PPM1L: variants seen among roughly 807,000 people sequenced by gnomAD.
The protein encoded by PPM1L is protein phosphatase, Mg2+/Mn2+ dependent 1L, also known as protein phosphatase 1L.
In PPM1L, 13 loss-of-function variants were observed where a neutral mutation model predicts 31.4. The observed-to-expected ratio is 0.41, with a 90% CI of 0.27 to 0.66. The LOEUF (loss-of-function observed/expected upper bound fraction) is 0.66, where lower values mean the gene tolerates loss of function less well. Ranked by LOEUF, PPM1L falls within the 30% of genes least tolerant of loss-of-function variation. The pLI is 0.29. For synonymous variants in PPM1L, 184 were observed against 175.4 expected (o/e 1.05, Z -0.39); for missense variants, 326 against 453.7 (o/e 0.72, Z 2.56).
At chr3:161,010,313 C>A (rs181049785) in intron 2 of PPM1L, among the ~76,000 whole-genome samples, 37 of 152,276 alleles carry the variant, frequency 2.4e-4, no homozygotes, top group African/African-American at 7.7e-4. Context: ...TCATTCATGT[C>A]CCTACAAAGG....
At chr3:160,808,661 T>C (rs1416765732) in intron 1 of PPM1L, among the ~76,000 whole-genome samples, 1 of 152,170 alleles carries the variant, frequency 6.6e-6, no homozygotes, top group Non-Finnish European at 1.5e-5. Flanking sequence ...GGCTGTCACC[T>C]TCAGGCACCT....
chr3:160,848,682 G>A (rs1714158415), intron 1 of PPM1L, among the ~76,000 whole-genome samples: 1 of 152,154 alleles, frequency 6.6e-6, no homozygotes. Context: ...TTCAGTTCTT[G>A]TGTGAATATT....
intron 1 of PPM1L, among the ~76,000 whole-genome samples, chr3:160,951,033 T>G (rs1005096491): frequency 3.9e-5 from 6 of 152,242 alleles, no homozygotes; most frequent in Non-Finnish European, 5.9e-5. Flanking sequence ...TTACTTTTCA[T>G]TTTTCTTCTA....
Position 160,920,213 on chromosome 3 carries a change from G to C in PPM1L, c.400-41523G>C, listed in dbSNP as rs1325270976. Among the ~76,000 whole-genome samples, 5 of 152,190 alleles carry C rather than the reference G, an allele frequency of 3.3e-5. No individual in the cohort carries two copies. The East Asian group carries it at 9.6e-4, about 29-fold the overall frequency. On this transcript the variant is annotated intron_variant, in intron 1 of 3. Transcript: ENST00000498165. ...GGGCAGGATATTCTGAAGCCAGCCA[G>C]TGCCCACAGCCATTTGTGGGTACCC...
At chr3:160,796,052 T>A (rs1206284010) in intron 1 of PPM1L, among the ~76,000 whole-genome samples, 1 of 152,212 alleles carries the variant, frequency 6.6e-6, no homozygotes, top group Non-Finnish European at 1.5e-5. Context: ...TGATCTCAAC[T>A]TCCTTCTCCT....
chr3:161,052,890 T>C (rs1719315784), intron 2 of PPM1L, among the ~76,000 whole-genome samples: 1 of 152,252 alleles, frequency 6.6e-6, no homozygotes, highest in African/African-American at 2.4e-5. Context: ...CCCCTTTTCC[T>C]GTCTCTGCCT....
chr3:160,840,315 G>A (rs1272351472), intron 1 of PPM1L, among the ~76,000 whole-genome samples: 3 of 152,100 alleles, frequency 2.0e-5, no homozygotes, highest in Non-Finnish European at 2.9e-5. Flanking sequence ...AGTTTGCATT[G>A]GGTTTCATAA....
chr3:160,926,094 G>A (rs1484897587), intron 1 of PPM1L, among the ~76,000 whole-genome samples: 1 of 152,254 alleles, frequency 6.6e-6, no homozygotes, highest in South Asian at 2.1e-4. Context: ...CTGGCAGAGG[G>A]TCTCCTTCAG....
At chr3:160,942,778 A>C (rs1715203490) in intron 1 of PPM1L, among the ~76,000 whole-genome samples, 1 of 152,200 alleles carries the variant, frequency 6.6e-6, no homozygotes, top group African/African-American at 2.4e-5. Context: ...GGACCCCTCC[A>C]TGTGCATATA....
chr3:160,757,224 G>C (rs923525093), intron 1 of PPM1L, among the ~76,000 whole-genome samples: 1 of 152,210 alleles, frequency 6.6e-6, no homozygotes, highest in Admixed American at 6.5e-5. Context: ...TCACTCTAGG[G>C]AGGAATCCGA....
At chr3:160,851,733 C>T (rs542074466) in intron 1 of PPM1L, among the ~76,000 whole-genome samples, 35 of 151,896 alleles carry the variant, frequency 2.3e-4, no homozygotes, top group South Asian at 8.4e-4. Context: ...GGGAAAGATC[C>T]GATACTTGGG....
At chr3:161,062,114 T>G (rs1719589911) in intron 2 of PPM1L, among the ~76,000 whole-genome samples, 1 of 151,792 alleles carries the variant, frequency 6.6e-6, no homozygotes, top group South Asian at 2.1e-4. Context: ...AAACAGTCAT[T>G]GTCTGTTCTG....
intron 2 of PPM1L, among the ~76,000 whole-genome samples, chr3:161,020,144 T>C (rs1270674101): frequency 7.3e-5 from 11 of 150,324 alleles, no homozygotes; most frequent in Non-Finnish European, 1.3e-4. Context: ...AAAAAAAAGT[T>C]GTACTAAGCC....
At chr3:160,979,179 G>C (rs77378462) in intron 2 of PPM1L, among the ~76,000 whole-genome samples, 3,419 of 152,104 alleles carry the variant, frequency 0.022, 142 homozygotes, top group African/African-American at 0.077. Flanking sequence ...TGAGTAGCAT[G>C]GTGAGATGTA....
At chr3:160,777,648 A>G (rs1242871055) in intron 1 of PPM1L, among the ~76,000 whole-genome samples, 1 of 152,174 alleles carries the variant, frequency 6.6e-6, no homozygotes, top group East Asian at 1.9e-4. Flanking sequence ...TTCACTTGGT[A>G]TAATGTCCTA....
intron 1 of PPM1L, among the ~76,000 whole-genome samples, chr3:160,817,650 G>A (rs142551580): frequency 1.9e-3 from 285 of 151,998 alleles, no homozygotes; most frequent in African/African-American, 6.2e-3. Context: ...CTAATTTTGG[G>A]TGCCTAAGTA....
chr3:160,951,959 T>G (rs1715587748), intron 1 of PPM1L, among the ~76,000 whole-genome samples: 1 of 152,198 alleles, frequency 6.6e-6, no homozygotes, highest in Non-Finnish European at 1.5e-5. Flanking sequence ...TTTTTATGCT[T>G]CTGGTTTAAG....
chr3:161,032,343 A>G (rs181838855), intron 2 of PPM1L, among the ~76,000 whole-genome samples: 1 of 152,310 alleles, frequency 6.6e-6, no homozygotes, highest in African/African-American at 2.4e-5. Flanking sequence ...AATGTATTAC[A>G]AGGGCTGTCT....
chr3:160,962,001 A>C (rs2108108387), intron 2 of PPM1L, 91 bp downstream of exon 2: 2 of 958,512 alleles, frequency 2.1e-6, no homozygotes, highest in Non-Finnish European at 3.0e-6. Context: ...TTAAGGGCAA[A>C]CTAGATTCAA....
Sources: allele counts gnomAD v4.1 joint callset (sites outside exome capture counted in the v4.1 genomes callset), GRCh38; gene constraint gnomAD v4.1.1; transcripts MANE v1.5; gene names NCBI Gene and HGNC (gene_info 2026-07-23, HGNC 2026-07-21).